ACSS3: variants seen among roughly 807,000 people sequenced by gnomAD.
ACSS3 encodes acyl-CoA synthetase short-chain family member 3, mitochondrial.
Under a neutral mutation model 84.2 loss-of-function variants are expected in ACSS3, and 64 were observed. That is an observed-to-expected ratio of 0.76 (90% CI 0.62 to 0.94). The LOEUF (loss-of-function observed/expected upper bound fraction) is 0.94. Among genes scored for constraint, ACSS3 ranks in the 40% least tolerant of loss-of-function variants. The pLI is 0.00. For synonymous variants in ACSS3, 317 were observed against 310.1 expected, an observed-to-expected ratio of 1.02 and a Z score of -0.23; for missense variants, 815 against 867.6, an observed-to-expected ratio of 0.94 and a Z score of 0.76.
chr12:81,201,603 A>G (rs2032113075), intron 9 of ACSS3, among the ~76,000 whole-genome samples: 1 of 152,172 alleles, frequency 6.6e-6, no homozygotes, highest in Non-Finnish European at 1.5e-5. Context: ...TCTTTAATGT[A>G]TTGTTCCAAG....
chr12:81,096,452 A>G (rs1043497367), intron 1 of ACSS3, among the ~76,000 whole-genome samples: 1 of 152,150 alleles, frequency 6.6e-6, no homozygotes, highest in Non-Finnish European at 1.5e-5. Context: ...GCGGACATGC[A>G]CTTGTACCAT....
chr12:81,090,198 A>T (rs1043703807), intron 1 of ACSS3, among the ~76,000 whole-genome samples: 1 of 151,802 alleles, frequency 6.6e-6, no homozygotes, highest in Non-Finnish European at 1.5e-5. Flanking sequence ...TGTCTTTTTG[A>T]TTTCGTCGCC....
At chr12:81,135,786 A>C (rs1227870379) in intron 3 of ACSS3, among the ~76,000 whole-genome samples, 1 of 152,090 alleles carries the variant, frequency 6.6e-6, no homozygotes, top group African/African-American at 2.4e-5. Context: ...TAAATACATA[A>C]ATAAAATGTT....
rs752856299 is a variant in ACSS3, at chr12:81,134,876, A to G, written c.517A>G (p.Ile173Val). ...CATCAAGAAAGGTGACACTGTGGTTATCTACATGCCTATGATCCCACAGGC... is the reference window on the plus strand; with the variant it reads ...CATCAAGAAAGGTGACACTGTGGTTGTCTACATGCCTATGATCCCACAGGC... ...HGIKKGDTVVIYMPMIPQAMY... is the reference protein window; with the variant it reads ...HGIKKGDTVVVYMPMIPQAMY... The change falls in exon 3 of 16, where the codon ATC becomes GTC. Residue 173 changes from isoleucine (I) to valine (V), a missense_variant. Physicochemically the swap from Ile to Val is conservative, Grantham distance 29. Transcript: ENST00000548058. 11 of 1,599,970 alleles carry G rather than the reference A, an allele frequency of 6.9e-6. No homozygotes were observed. Among genetic ancestry groups the G allele is most frequent in the African/African-American group, 4.0e-5 (3 of 74,632 alleles).
At chr12:81,179,374 A>G (rs976433285) in intron 8 of ACSS3, among the ~76,000 whole-genome samples, 3 of 151,782 alleles carry the variant, frequency 2.0e-5, no homozygotes, top group African/African-American at 7.3e-5. Context: ...AAAAGAAACT[A>G]TCAACAGAGT....
intron 11 of ACSS3, among the ~76,000 whole-genome samples, chr12:81,224,477 T>C (rs957250808): frequency 1.3e-5 from 2 of 151,824 alleles, no homozygotes; most frequent in African/African-American, 4.8e-5. Context: ...TTATTGCTTC[T>C]TTCCCCATGT....
chr12:81,177,811 A>G (rs565823272), intron 8 of ACSS3, among the ~76,000 whole-genome samples: 17 of 152,256 alleles, frequency 1.1e-4, no homozygotes, highest in Middle Eastern at 3.4e-3. Flanking sequence ...AAGTCAGGAA[A>G]CAACAGGTGC....
At chr12:81,163,813 G>T (rs182303775) in intron 7 of ACSS3, among the ~76,000 whole-genome samples, 1 of 152,246 alleles carries the variant, frequency 6.6e-6, no homozygotes, top group Admixed American at 6.5e-5. Flanking sequence ...AAAACTTATA[G>T]AATGAACATG....
At chr12:81,231,689 G>T (rs1334983303) in intron 12 of ACSS3, among the ~76,000 whole-genome samples, 1 of 151,652 alleles carries the variant, frequency 6.6e-6, no homozygotes, top group African/African-American at 2.4e-5. Flanking sequence ...TGTACTCAAA[G>T]CCCAACACCC....
At chr12:81,243,677 A>G (rs990077397) in intron 13 of ACSS3, among the ~76,000 whole-genome samples, 3 of 152,166 alleles carry the variant, frequency 2.0e-5, no homozygotes, top group Admixed American at 2.0e-4. Context: ...GATGAATGGA[A>G]CAGAACAGAG....
intron 11 of ACSS3, among the ~76,000 whole-genome samples, chr12:81,228,897 CT>C (rs1262684879): frequency 6.6e-6 from 1 of 151,716 alleles, no homozygotes; most frequent in African/African-American, 2.4e-5. Context: ...AAAAAAATAC[CT>C]GTTTAATATA....
intron 3 of ACSS3, among the ~76,000 whole-genome samples, chr12:81,138,435 G>T (rs1475278944): frequency 3.9e-5 from 6 of 152,174 alleles, no homozygotes; most frequent in Admixed American, 2.6e-4. Flanking sequence ...ACTGAAAAGA[G>T]AGGTTAACAT....
chr12:81,236,223 G>A (rs973175100), intron 13 of ACSS3, among the ~76,000 whole-genome samples: 4 of 151,450 alleles, frequency 2.6e-5, no homozygotes, highest in Admixed American at 6.6e-5. Flanking sequence ...ATAGGAATAT[G>A]TGATTTTTCT....
chr12:81,175,820 C>T (rs1328058429), intron 8 of ACSS3, among the ~76,000 whole-genome samples: 1 of 152,044 alleles, frequency 6.6e-6, no homozygotes, highest in Non-Finnish European at 1.5e-5. Flanking sequence ...AACAAATGTA[C>T]AATATACCAG....
At chr12:81,116,837 G>A (rs935589538) in intron 2 of ACSS3, among the ~76,000 whole-genome samples, 1 of 152,030 alleles carries the variant, frequency 6.6e-6, no homozygotes, top group Admixed American at 6.6e-5. Context: ...ATTTCCAAAA[G>A]TATCACTTGC....
At chr12:81,197,246 C>T (rs1455549291) in intron 8 of ACSS3, among the ~76,000 whole-genome samples, 1 of 152,140 alleles carries the variant, frequency 6.6e-6, no homozygotes, top group African/African-American at 2.4e-5. Context: ...TTCATTTATA[C>T]TCAGAAATTA....
rs569413055 is a variant in ACSS3, at chr12:81,139,187, C to T, written c.702C>T (p.Tyr234=). ...TTGAACCTGGAAGGAGGGTAGAGTA[C>T]GTACCACTTGTAGAAGAAGCGCTAA... The part of the protein sequence containing the change: ...FGIEPGRRVE[Y]VPLVEEALKI... The change falls in exon 4 of 16, where the codon TAC becomes TAT. Residue 234 remains tyrosine, a synonymous_variant. Transcript: ENST00000548058. 4.0e-5 allele frequency: 65 copies of T among 1,613,698 alleles called. 1 individual carries two copies. The South Asian group carries it at 5.6e-4, about 14-fold the overall frequency.
At position 81,255,304 on chromosome 12, in the gene ACSS3, A is replaced by C. The variant is rs1283559085; in HGVS notation, c.*382A>C. On this transcript the variant is annotated 3_prime_UTR_variant, in exon 16 of 16. Coordinates refer to ENST00000548058, the MANE Select transcript of ACSS3 (RefSeq NM_024560.4). The stretch of plus-strand genomic sequence containing the variant: ...GTTTTGATCCAAAATCTAAAACTTA[A>C]AGTCAGAAAATAATTAAAATTTTTC... The C allele has an allele frequency of 1.3e-5, 2 of 155,832 alleles. No homozygotes were observed. The highest frequency in any genetic ancestry group is 6.5e-5 in the Admixed American group (1 of 15,394). The allele number at this position is 155,832 out of a possible 1,614,324, so 9.7% of individuals were successfully genotyped here.
chr12:81,170,853 G>A (rs185819357), intron 7 of ACSS3, among the ~76,000 whole-genome samples: 45 of 152,140 alleles, frequency 3.0e-4, no homozygotes, highest in African/African-American at 9.4e-4. Flanking sequence ...GCTTATGTGT[G>A]CATGCTTGTC....
Sources: allele counts gnomAD v4.1 joint callset (sites outside exome capture counted in the v4.1 genomes callset), GRCh38; gene constraint gnomAD v4.1.1; transcripts MANE v1.5; gene names NCBI Gene and HGNC (gene_info 2026-07-23, HGNC 2026-07-21).